The following ATPAF2 variants were observed in gnomAD, a reference collection of about 807,000 sequenced individuals.
The protein encoded by ATPAF2 is ATP12 homolog.
Under a neutral mutation model 36.6 loss-of-function variants are expected in ATPAF2, and 30 were observed. The ratio of observed to expected loss-of-function variants is 0.82; its 90% CI spans 0.61 to 1.11. The LOEUF is 1.11. ATPAF2 is among the 50% of genes most tolerant of loss of function. The pLI, the probability that ATPAF2 is intolerant of heterozygous loss-of-function variation, is 0.00. For synonymous variants in ATPAF2, 140 were observed against 152.6 expected (o/e 0.92, Z 0.61); for missense variants, 321 against 372.3 (o/e 0.86, Z 1.13).
At chr17:18,019,147 C>CCACACACACACA (rs138932269) in intron 7 of ATPAF2, among the ~76,000 whole-genome samples, 3,393 of 135,560 alleles carry the variant, frequency 0.025, 59 homozygotes, top group African/African-American at 0.032. Flanking sequence ...CTCAAAAACA[C>CCACACACACACA]CACACACACA....
chr17:18,031,832 A>T (rs1022736358), intron 1 of ATPAF2, among the ~76,000 whole-genome samples: 2 of 152,156 alleles, frequency 1.3e-5, no homozygotes, highest in African/African-American at 2.4e-5. Context: ...CACCAAGATG[A>T]TGTTGTCTTA....
intron 6 of ATPAF2, 45 bp downstream of exon 6, chr17:18,021,700 G>T: frequency 6.6e-7 from 1 of 1,524,256 alleles, no homozygotes; most frequent in Non-Finnish European, 9.1e-7. Context: ...GACACTGATG[G>T]CCTTCACAGC....
intron 1 of ATPAF2, among the ~76,000 whole-genome samples, chr17:18,033,293 C>T (rs1311546158): frequency 5.4e-5 from 8 of 147,742 alleles, no homozygotes; most frequent in African/African-American, 1.5e-4. Context: ...ACCCAGGAGG[C>T]GGAGGTTGTA....
chr17:18,021,509 G>A (rs544463723), intron 6 of ATPAF2: 11 of 626,646 alleles, frequency 1.8e-5, no homozygotes, highest in African/African-American at 1.6e-4. Context: ...TGTGACCCAA[G>A]CCAGGGCAAT....
chr17:18,023,517 G>T (rs958019751), intron 5 of ATPAF2, among the ~76,000 whole-genome samples: 2 of 152,188 alleles, frequency 1.3e-5, no homozygotes, highest in African/African-American at 2.4e-5. Context: ...AAACTCTTAA[G>T]GATGAGGTAT....
chr17:18,018,423 CAG>C lies in ATPAF2; in HGVS notation c.*124_*125del. 1 of 1,363,810 alleles carries C rather than the reference CAG, an allele frequency of 7.3e-7. No homozygotes were observed. Among genetic ancestry groups the C allele is most frequent in the Non-Finnish European group, 1.0e-6 (1 of 970,310 alleles). The allele number at this position is 1,363,810 out of a possible 1,614,324, so 84.5% of individuals were successfully genotyped here. A position where few individuals can be genotyped will look rare whatever the true frequency, so the allele number is the denominator to read the frequency against. On this transcript the variant is annotated 3_prime_UTR_variant, in exon 8 of 8. Coordinates refer to ENST00000474627, the MANE Select transcript of ATPAF2 (RefSeq NM_145691.4). ...GCGCACTGTGTCTCGGGGGGAATCT[CAG>C]GGTGACGCTGAGGCCGAGTCCCCAA...
At chr17:18,016,026 G>T, downstream of ATPAF2, 1 of 1,609,054 alleles carries the variant, frequency 6.2e-7, no homozygotes, top group South Asian at 1.1e-5. Context: ...ACGGTATAAT[G>T]ACACACACTT....
In ATPAF2 at chr17:18,038,992, GC is replaced by G; in HGVS notation, c.21del (p.Leu8CysfsTer9). 1 of 1,609,514 alleles carries G rather than the reference GC, an allele frequency of 6.2e-7. No individual in the cohort carries two copies. The highest frequency in any genetic ancestry group is 8.5e-7 in the Non-Finnish European group (1 of 1,177,890). MWRSCL[R>X]LRDGGRRLLN... ...AGGAGACGGCGTCCCCCGTCCCGCA[GC>G]CGGAGGCAGCTCCTCCACATCGCGC... is the stretch of plus-strand genomic sequence containing the variant. On this transcript the variant is annotated frameshift_variant, in exon 1 of 8. Coordinates refer to ENST00000474627, the MANE Select transcript of ATPAF2 (RefSeq NM_145691.4). LOFTEE classifies it high-confidence loss of function.
rs1568562353 is a variant in ATPAF2, at chr17:18,018,507, G to C, written c.*42C>G. 1 of 1,610,140 alleles carries C rather than the reference G, an allele frequency of 6.2e-7. No homozygotes were observed. The highest frequency in any genetic ancestry group is 8.5e-7 in the Non-Finnish European group (1 of 1,179,914). ...AGCCCTGAAGGCCGGGGGAGCTGTG[G>C]CTGCACTGCCTCTATCCTGCTGAGT... On this transcript the variant is annotated 3_prime_UTR_variant, in exon 8 of 8. Coordinates refer to ENST00000474627, the MANE Select transcript of ATPAF2 (RefSeq NM_145691.4).
At chr17:18,015,383 G>A (rs12602295), downstream of ATPAF2, 8 of 152,264 alleles carry the variant, frequency 5.3e-5, no homozygotes, top group African/African-American at 1.9e-4. Flanking sequence ...GAGTGCTTCA[G>A]TGGCCTTGCC....
At chr17:18,022,930 C>T (rs975376223) in intron 5 of ATPAF2, among the ~76,000 whole-genome samples, 8 of 151,700 alleles carry the variant, frequency 5.3e-5, no homozygotes, top group Non-Finnish European at 1.0e-4. Context: ...TTGAGACCAT[C>T]CTGGCTAACA....
chr17:18,038,763 C>G (rs1396165760), intron 1 of ATPAF2, 118 bp downstream of exon 1: 6 of 1,433,790 alleles, frequency 4.2e-6, no homozygotes, highest in Non-Finnish European at 5.8e-6. Flanking sequence ...ACCTGACTGG[C>G]CTGCATAACC....
intron 1 of ATPAF2, among the ~76,000 whole-genome samples, chr17:18,029,526 A>G (rs1385416612): frequency 6.6e-6 from 1 of 152,188 alleles, no homozygotes; most frequent in Non-Finnish European, 1.5e-5. Flanking sequence ...GAAGTTATTT[A>G]TTGGAAATAA....
At chr17:18,034,425 C>T (rs1039098533) in intron 1 of ATPAF2, among the ~76,000 whole-genome samples, 1 of 151,986 alleles carries the variant, frequency 6.6e-6, no homozygotes, top group African/African-American at 2.4e-5. Context: ...AAACAATGGT[C>T]AAGGGATCTG....
chr17:18,016,099 CG>C, downstream of ATPAF2: 1 of 1,613,872 alleles, frequency 6.2e-7, no homozygotes, highest in Non-Finnish European at 8.5e-7. Flanking sequence ...TTAATGCTGT[CG>C]GGGCATCGCA....
At chr17:18,038,805 G>A in intron 1 of ATPAF2, 76 bp downstream of exon 1, 1 of 1,594,776 alleles carries the variant, frequency 6.3e-7, no homozygotes, top group East Asian at 2.3e-5. Context: ...CAGTTACTTC[G>A]CTTTGCACAG....
downstream of ATPAF2, chr17:18,016,486 C>T: frequency 8.6e-7 from 1 of 1,163,214 alleles, no homozygotes; most frequent in South Asian, 1.4e-5. Context: ...CCCCTTCCCT[C>T]AAACTGGATT....
downstream of ATPAF2, among the ~76,000 whole-genome samples, chr17:18,017,659 G>A (rs931680746): frequency 2.6e-5 from 4 of 152,248 alleles, no homozygotes; most frequent in African/African-American, 9.6e-5. Context: ...TGGGAAGCGT[G>A]GAGAGGCACC....
In ATPAF2 at chr17:18,021,168, T is replaced by C; in HGVS notation, c.687A>G (p.Thr229=). 1.2e-6 allele frequency: 2 copies of C among 1,613,982 alleles called. No individual in the cohort carries two copies. The highest frequency in any genetic ancestry group is 1.7e-6 in the Non-Finnish European group (2 of 1,179,986). Residue 229 remains threonine, a synonymous_variant, in exon 7 of 8, where the codon ACA becomes ACG. Transcript: ENST00000474627. ...GTGACAGCAGCACGGCCTGCTCCAC[T>C]GTCAGGCGCAGGTCAATCAGGCCCA... is the stretch of plus-strand genomic sequence containing the variant. ...LTLGLIDLRL[T]VEQAVLLSRL... is the part of the protein sequence containing the mutation.
Sources: gnomAD v4.1 joint callset for allele counts (sites outside exome capture counted in the v4.1 genomes callset) on GRCh38, gnomAD v4.1.1 for gene constraint, MANE v1.5 for transcripts, NCBI Gene and HGNC (gene_info 2026-07-23, HGNC 2026-07-21) for gene names.